Variants in ST13 observed in about 807,000 individuals in gnomAD.
ST13 encodes ST13 Hsp70 interacting protein.
A neutral mutation model predicts 56.7 loss-of-function variants in ST13; 23 were observed. The ratio of observed to expected loss-of-function variants is 0.41; its 90% CI spans 0.29 to 0.57. The LOEUF (loss-of-function observed/expected upper bound fraction) is 0.57. Among genes scored for constraint, ST13 ranks in the 20% least tolerant of loss-of-function variants. The pLI is 0.36. For missense variants in ST13, 369 were observed against 459.9 expected (o/e 0.80, Z 1.81); for synonymous variants, 132 against 142.4 (o/e 0.93, Z 0.52).
chr22:40,848,002 G>A (rs565270254), intron 3 of ST13, among the ~76,000 whole-genome samples: 1 of 152,116 alleles, frequency 6.6e-6, no homozygotes, highest in African/African-American at 2.4e-5. Context: ...AGCCGAGATT[G>A]TGCCAGTGCA....
chr22:40,841,813 G>T (rs115830146), intron 4 of ST13, among the ~76,000 whole-genome samples: 1 of 151,428 alleles, frequency 6.6e-6, no homozygotes, highest in Non-Finnish European at 1.5e-5. Context: ...GGCTGGTCTA[G>T]AACTCTTGGA....
At chr22:40,849,100 A>C (rs1199488271) in intron 2 of ST13, among the ~76,000 whole-genome samples, 1 of 152,204 alleles carries the variant, frequency 6.6e-6, no homozygotes, top group Non-Finnish European at 1.5e-5. Flanking sequence ...CTTGTAAATT[A>C]TATACCATTA....
intron 3 of ST13, among the ~76,000 whole-genome samples, chr22:40,846,137 T>C (rs762597856): frequency 6.6e-6 from 1 of 152,150 alleles, no homozygotes; most frequent in Non-Finnish European, 1.5e-5. Context: ...GGTTTCTCCA[T>C]GTTAGTCAGG....
chr22:40,840,612 A>G lies in ST13; in HGVS notation c.382+14T>C, dbSNP rs780263153. On this transcript the variant is annotated intron_variant, in intron 5 of 11. Transcript: ENST00000216218. ...TTCTGACTACCATAGAAATGTAGCA[A>G]AAAGATTACTCACCATCATTTAGGG... 1 of 1,605,904 alleles carries G rather than the reference A, an allele frequency of 6.2e-7. No homozygotes were observed. The highest frequency in any genetic ancestry group is 2.2e-5 in the East Asian group (1 of 44,784).
intron 1 of ST13, among the ~76,000 whole-genome samples, chr22:40,852,406 G>C (rs1168348167): frequency 6.6e-6 from 1 of 152,138 alleles, no homozygotes; most frequent in Non-Finnish European, 1.5e-5. Flanking sequence ...GGTGTTGTCT[G>C]TATTCTGCAT....
chr22:40,848,417 G>A (rs780296886), intron 2 of ST13, 48 bp from the exon 3 acceptor site: 26 of 1,216,834 alleles, frequency 2.1e-5, no homozygotes, highest in South Asian at 1.6e-4. Context: ...ATAACATACC[G>A]AATATTTATA....
chr22:40,826,994 A>G lies in ST13; in HGVS notation c.981+102T>C. The G allele has an allele frequency of 3.0e-6, 4 of 1,322,494 alleles. No individual in the cohort carries two copies. The South Asian group carries it at 5.8e-5, about 19-fold the overall frequency. The allele number at this position is 1,322,494 out of a possible 1,614,324, so 81.9% of individuals were successfully genotyped here. A position where few individuals can be genotyped will look rare whatever the true frequency, so the allele number is the denominator to read the frequency against. On this transcript the variant is annotated intron_variant, in intron 11 of 11. Transcript: ENST00000216218. ...CATAATTAGCTATTTGGTAACTGTGATAAATAAAAAATAGCTATGAGAGTA... is the reference window on the plus strand; with the variant it reads ...CATAATTAGCTATTTGGTAACTGTGGTAAATAAAAAATAGCTATGAGAGTA...
chr22:40,855,658 A>G (rs151218581), intron 1 of ST13, among the ~76,000 whole-genome samples: 2 of 152,338 alleles, frequency 1.3e-5, no homozygotes, highest in Non-Finnish European at 2.9e-5. Context: ...GCTAATTACT[A>G]TTATATAGTA....
chr22:40,839,026 A>C (rs2057790371), intron 5 of ST13, among the ~76,000 whole-genome samples: 1 of 152,296 alleles, frequency 6.6e-6, no homozygotes, highest in South Asian at 2.1e-4. Context: ...GAAGATCTTA[A>C]ATATATATGC....
At chr22:40,840,275 G>A (rs183031630) in intron 5 of ST13, among the ~76,000 whole-genome samples, 1 of 151,948 alleles carries the variant, frequency 6.6e-6, no homozygotes, top group East Asian at 1.9e-4. Context: ...GTATGCCTAT[G>A]AACATCATCT....
At chr22:40,834,488 T>C (rs1276800641) in intron 7 of ST13, among the ~76,000 whole-genome samples, 3 of 152,208 alleles carry the variant, frequency 2.0e-5, no homozygotes, top group Non-Finnish European at 4.4e-5. Context: ...AAACATTTAA[T>C]GTTACATTTT....
chr22:40,856,572 C>A lies in ST13; in HGVS notation c.-32G>T. On this transcript the variant is annotated 5_prime_UTR_variant, in exon 1 of 12. Coordinates refer to ENST00000216218, the MANE Select transcript of ST13 (RefSeq NM_003932.5). ...GAGGTGGTGGGCGAAACTGGGGGGG[C>A]TACGGCCCGGTTCCAGGCCCAGGCG... 6.3e-7 allele frequency: 1 copy of A among 1,581,548 alleles called. No homozygotes were observed.
intron 2 of ST13, among the ~76,000 whole-genome samples, chr22:40,849,316 A>C (rs187292385): frequency 6.6e-6 from 1 of 151,864 alleles, no homozygotes. Context: ...TCTCCACTAA[A>C]AACACAAAAA....
chr22:40,848,986 TATAA>T (rs1388591060), intron 2 of ST13, among the ~76,000 whole-genome samples: 1 of 152,238 alleles, frequency 6.6e-6, no homozygotes, highest in African/African-American at 2.4e-5. Context: ...CTTCCCATCC[TATAA>T]ATAACCAGTG....
In ST13 at chr22:40,848,272, AAACT is replaced by A. The variant is rs762840449; in HGVS notation, c.244+18_244+21del. 50 of 1,586,928 alleles carry A rather than the reference AAACT, an allele frequency of 3.2e-5. No homozygotes were observed. The highest frequency in any genetic ancestry group is 4.0e-5 in the Non-Finnish European group (46 of 1,155,618). On this transcript the variant is annotated intron_variant, in intron 3 of 11. Transcript: ENST00000216218. Reference sequence around the variant, plus strand: ...TATCACATCATAGGTTTTCAAATACAAACTAACTACCGTCTCCTCACCTAGATCA... The same window carrying A: ...TATCACATCATAGGTTTTCAAATACAAACTACCGTCTCCTCACCTAGATCA...
chr22:40,835,769 T>C, intron 6 of ST13, 34 bp downstream of exon 6: 2 of 1,605,718 alleles, frequency 1.2e-6, no homozygotes, highest in Non-Finnish European at 1.7e-6. Context: ...AGAAATTATT[T>C]GCCAGGGGAT....
chr22:40,836,311 CG>C (rs1486288757), intron 5 of ST13, among the ~76,000 whole-genome samples: 4 of 152,124 alleles, frequency 2.6e-5, no homozygotes, highest in African/African-American at 7.2e-5. Flanking sequence ...ATTAGCTGGG[CG>C]TGGGGGCGGA....
intron 1 of ST13, among the ~76,000 whole-genome samples, chr22:40,855,818 T>C (rs1694586656): frequency 6.6e-6 from 1 of 152,022 alleles, no homozygotes; most frequent in African/African-American, 2.4e-5. Flanking sequence ...CCTGGAAACA[T>C]GCCAGGCCTT....
chr22:40,851,858 G>A (rs1970201324), intron 1 of ST13, among the ~76,000 whole-genome samples: 1 of 151,396 alleles, frequency 6.6e-6, no homozygotes, highest in African/African-American at 2.4e-5. Flanking sequence ...CGATTCTCCT[G>A]CCTCAGCCTC....
Sources: gnomAD v4.1 joint callset for allele counts (sites outside exome capture counted in the v4.1 genomes callset) on GRCh38, gnomAD v4.1.1 for gene constraint, MANE v1.5 for transcripts, NCBI Gene and HGNC (gene_info 2026-07-23, HGNC 2026-07-21) for gene names.